Variants in HACD1 observed in about 807,000 individuals in gnomAD.
The protein encoded by HACD1 is very-long-chain (3R)-3-hydroxyacyl-CoA dehydratase 1.
Under a neutral mutation model 32.0 loss-of-function variants are expected in HACD1, and 41 were observed. The observed-to-expected ratio is 1.28, with a 90% CI of 1.00 to 1.66. HACD1 has a LOEUF of 1.66. Among genes scored for constraint, HACD1 ranks in the 40% most tolerant of loss-of-function variants. The pLI is 0.00. For missense variants in HACD1, 396 were observed against 380.1 expected, an observed-to-expected ratio of 1.04 and a Z score of -0.35; for synonymous variants, 142 against 139.0, an observed-to-expected ratio of 1.02 and a Z score of -0.15.
chr10:17,594,343 C>T lies in HACD1; in HGVS notation c.646G>A (p.Gly216Ser), dbSNP rs146870600. ...GCAGCGTATATTGTAAGAAGTTCACCAGCAACTCCAACAGGATATAAGATG... is the reference window on the plus strand; with the variant it reads ...GCAGCGTATATTGTAAGAAGTTCACTAGCAACTCCAACAGGATATAAGATG... Reference protein sequence around the residue: ...FIILYPVGVAGELLTIYAALP... With the variant: ...FIILYPVGVASELLTIYAALP... Residue 216 changes from glycine (G) to serine (S), a missense_variant, in exon 6 of 7, where the codon GGT becomes AGT. Transcript: ENST00000361271. 7.0e-6 allele frequency: 11 copies of T among 1,568,320 alleles called. No individual in the cohort carries two copies. The highest frequency in any genetic ancestry group is 9.5e-6 in the Non-Finnish European group (11 of 1,157,802).
intron 1 of HACD1, among the ~76,000 whole-genome samples, chr10:17,609,989 A>C (rs559827877): frequency 3.3e-5 from 5 of 152,056 alleles, no homozygotes; most frequent in South Asian, 2.1e-4. Flanking sequence ...TCTCAAAAAA[A>C]AAAAAAAAAA....
chr10:17,595,932 G>C (rs1311708757), intron 5 of HACD1, among the ~76,000 whole-genome samples: 2 of 152,008 alleles, frequency 1.3e-5, no homozygotes, highest in Non-Finnish European at 2.9e-5. Flanking sequence ...GGGGCAGTGA[G>C]CCAAGACCGC....
Position 17,594,242 on chromosome 10 carries a change from ATAG to A in HACD1, c.744_746del (p.Tyr250del). The stretch of plus-strand genomic sequence containing the variant: ...ATGCCATGGTTATAAGAAGAAAATA[ATAG>A]TAGTCAAAAGAGACATTGTATTTGT... On this transcript the variant is annotated inframe_deletion, in exon 6 of 7. Transcript: ENST00000361271. 1 of 1,586,876 alleles carries A rather than the reference ATAG, an allele frequency of 6.3e-7. No individual in the cohort carries two copies. Among genetic ancestry groups the A allele is most frequent in the Non-Finnish European group, 8.6e-7 (1 of 1,167,926 alleles).
chr10:17,596,237 G>T (rs781945652), intron 5 of HACD1, among the ~76,000 whole-genome samples: 2 of 152,152 alleles, frequency 1.3e-5, no homozygotes, highest in Non-Finnish European at 2.9e-5. Flanking sequence ...AGAATTATTT[G>T]CCAAAATAGA....
chr10:17,605,058 A>T (rs1554816933), intron 1 of HACD1, among the ~76,000 whole-genome samples: 1 of 152,084 alleles, frequency 6.6e-6, no homozygotes, highest in Non-Finnish European at 1.5e-5. Context: ...ATTCATAGAG[A>T]CAGAAAGTAG....
intron 4 of HACD1, among the ~76,000 whole-genome samples, chr10:17,602,412 A>G (rs1200852246): frequency 6.6e-6 from 1 of 152,148 alleles, no homozygotes; most frequent in Non-Finnish European, 1.5e-5. Context: ...ACATAGCAGC[A>G]TGGTGTCTAT....
chr10:17,605,092 G>C (rs990194764), intron 1 of HACD1, among the ~76,000 whole-genome samples: 10 of 152,190 alleles, frequency 6.6e-5, no homozygotes, highest in Non-Finnish European at 1.0e-4. Flanking sequence ...AGGGGCTGGG[G>C]ACAGATGGGG....
chr10:17,592,955 A>C (rs1564503942), intron 6 of HACD1, among the ~76,000 whole-genome samples: 2 of 152,200 alleles, frequency 1.3e-5, no homozygotes, highest in Admixed American at 6.5e-5. Context: ...TAATCCCAGC[A>C]CTTTGGGAGA....
At chr10:17,601,751 G>A (rs1455725682) in intron 4 of HACD1, among the ~76,000 whole-genome samples, 2 of 152,096 alleles carry the variant, frequency 1.3e-5, no homozygotes, top group Non-Finnish European at 2.9e-5. Flanking sequence ...CCCATTGCAT[G>A]TGCTCACTGC....
chr10:17,601,718 A>T (rs1430020241), intron 4 of HACD1, among the ~76,000 whole-genome samples: 3 of 152,096 alleles, frequency 2.0e-5, no homozygotes, highest in Non-Finnish European at 2.9e-5. Flanking sequence ...CTAGTAGGCA[A>T]AGTTAATTAA....
Position 17,590,164 on chromosome 10 carries a change from T to TTTGCACAGTTATTTTGCAAAA in HACD1, c.*199_*200insTTTTGCAAAATAACTGTGCAA. 2.8e-6 allele frequency: 1 copy of TTTGCACAGTTATTTTGCAAAA among 351,460 alleles called. No homozygotes were observed. Among genetic ancestry groups the TTTGCACAGTTATTTTGCAAAA allele is most frequent in the Non-Finnish European group, 5.1e-6 (1 of 194,896 alleles). 21.8% of individuals were successfully genotyped at this position (351,460 alleles called of 1,614,324 possible). ...TAATCAATACCTACCCAAAAGTTAC[T>TTTGCACAGTTATTTTGCAAAA]GATATTTGCACAGTTCTTGTAAAAA... On this transcript the variant is annotated 3_prime_UTR_variant, in exon 7 of 7. Coordinates refer to ENST00000361271, the MANE Select transcript of HACD1 (RefSeq NM_014241.4).
At chr10:17,600,383 G>A (rs1394846455) in intron 4 of HACD1, among the ~76,000 whole-genome samples, 3 of 151,846 alleles carry the variant, frequency 2.0e-5, no homozygotes, top group African/African-American at 4.8e-5. Flanking sequence ...TGTGTCACCC[G>A]GGCTGGAGTG....
intron 5 of HACD1, chr10:17,599,046 A>G (rs1175837609): frequency 3.0e-6 from 2 of 656,854 alleles, no homozygotes; most frequent in Admixed American, 8.7e-5. Context: ...TTCTGAGGTT[A>G]AGGATACCAC....
intron 5 of HACD1, among the ~76,000 whole-genome samples, chr10:17,598,157 G>T (rs4748389): frequency 0.21 from 31,019 of 150,952 alleles, 3,683 homozygotes; most frequent in East Asian, 0.41. Flanking sequence ...CTACTTGGGA[G>T]GCTGAGGCAG....
intron 1 of HACD1, among the ~76,000 whole-genome samples, chr10:17,611,417 A>C (rs1554817484): frequency 6.6e-6 from 1 of 152,130 alleles, no homozygotes; most frequent in African/African-American, 2.4e-5. Flanking sequence ...AAATGCTGTG[A>C]TCTCTCACAG....
At chr10:17,604,094 C>T (rs1554816852) in intron 1 of HACD1, 47 bp from the exon 2 acceptor site, 1 of 1,271,964 alleles carries the variant, frequency 7.9e-7, no homozygotes, top group Non-Finnish European at 1.1e-6. Flanking sequence ...CTTAATACCA[C>T]TGATTTATAC....
At chr10:17,602,194 C>T (rs1345984268) in intron 4 of HACD1, among the ~76,000 whole-genome samples, 5 of 151,988 alleles carry the variant, frequency 3.3e-5, no homozygotes, top group East Asian at 3.9e-4. Flanking sequence ...CTCAGCCTCC[C>T]GTGTAGCTGG....
chr10:17,593,855 A>G (rs1410417871), intron 6 of HACD1, among the ~76,000 whole-genome samples: 2 of 152,230 alleles, frequency 1.3e-5, no homozygotes, highest in Non-Finnish European at 2.9e-5. Context: ...CACAGTGTTT[A>G]TACTCAGACA....
intron 4 of HACD1, among the ~76,000 whole-genome samples, chr10:17,601,729 T>C (rs1834072828): frequency 6.6e-6 from 1 of 152,186 alleles, no homozygotes; most frequent in Admixed American, 6.5e-5. Context: ...AGTTAATTAA[T>C]AGTTTGCCTC....
Sources: gnomAD v4.1 joint callset for allele counts (sites outside exome capture counted in the v4.1 genomes callset) on GRCh38, gnomAD v4.1.1 for gene constraint, MANE v1.5 for transcripts, NCBI Gene and HGNC (gene_info 2026-07-23, HGNC 2026-07-21) for gene names.